Variants in TMEM236 observed in about 807,000 individuals in gnomAD.
TMEM236 encodes the protein family with sequence similarity 23, member A.
A neutral mutation model predicts 14.7 loss-of-function variants in TMEM236; 11 were observed. That is an observed-to-expected ratio of 0.75 (90% confidence interval 0.47 to 1.24). The LOEUF is 1.24. Ranked by LOEUF, TMEM236 falls within the 50% of genes most tolerant of loss-of-function variation. TMEM236 has a pLI of 0.00. For synonymous variants in TMEM236, 182 were observed against 168.6 expected, an observed-to-expected ratio of 1.08 and a Z score of -0.62; for missense variants, 464 against 427.3, an observed-to-expected ratio of 1.09 and a Z score of -0.76.
At chr10:17,781,897 A>G (rs1837757747) in intron 3 of TMEM236, among the ~76,000 whole-genome samples, 2 of 152,082 alleles carry the variant, frequency 1.3e-5, no homozygotes, top group Non-Finnish European at 2.9e-5. Context: ...TTGGGGGAAA[A>G]AAAAGCTTCC....
intron 3 of TMEM236, among the ~76,000 whole-genome samples, chr10:17,776,803 G>A (rs1837664534): frequency 6.6e-6 from 1 of 152,108 alleles, no homozygotes; most frequent in East Asian, 1.9e-4. Context: ...AACTCAACAA[G>A]ATGTGTCACA....
At chr10:17,792,294 G>C (rs1421735611) in intron 3 of TMEM236, among the ~76,000 whole-genome samples, 2 of 152,204 alleles carry the variant, frequency 1.3e-5, no homozygotes, top group African/African-American at 4.8e-5. Context: ...CACCACGTTA[G>C]CCAGGTTGAT....
chr10:17,752,318 A>T lies in TMEM236; in HGVS notation c.23A>T (p.Lys8Met). The T allele has an allele frequency of 6.2e-7, 1 of 1,613,848 alleles. No homozygotes were observed. The highest frequency in any genetic ancestry group is 2.2e-5 in the East Asian group (1 of 44,852). MASGRLI[K>M]FVVFELLEFA... ...AGGATGGCTTCTGGAAGGCTCATTA[A>T]GTTCGTGGTTTTTGAGCTCCTAGAG... Residue 8 changes from lysine (K) to methionine (M), a missense_variant, in exon 1 of 4, where the codon AAG becomes ATG. Transcript: ENST00000377495.
chr10:17,796,244 C>A lies in TMEM236; in HGVS notation c.796C>A (p.Leu266Ile). The change falls in exon 4 of 4, where the codon CTA becomes ATA. Residue 266 changes from leucine to isoleucine, a missense_variant. Transcript: ENST00000377495. The part of the protein sequence containing the change: ...GHPNVYKSSW[L>I]YPVYIFSFIS... ...CCCCAACGTGTACAAGTCAAGCTGG[C>A]TATACCCAGTCTACATATTCAGTTT... 6.2e-7 allele frequency: 1 copy of A among 1,613,976 alleles called. No individual in the cohort carries two copies. Among genetic ancestry groups the A allele is most frequent in the Non-Finnish European group, 8.5e-7 (1 of 1,179,874 alleles).
At chr10:17,770,713 C>T (rs1554834734) in intron 1 of TMEM236, among the ~76,000 whole-genome samples, 1 of 152,130 alleles carries the variant, frequency 6.6e-6, no homozygotes, top group Non-Finnish European at 1.5e-5. Flanking sequence ...ATAAGATATA[C>T]TATTTTCTAC....
chr10:17,792,249 G>A (rs1054844574), intron 3 of TMEM236, among the ~76,000 whole-genome samples: 1 of 152,112 alleles, frequency 6.6e-6, no homozygotes, highest in Non-Finnish European at 1.5e-5. Context: ...CAATGTGCCC[G>A]GCTAATGTTG....
Position 17,796,143 on chromosome 10 carries a change from A to G in TMEM236, c.695A>G (p.Asp232Gly), listed in dbSNP as rs2131770763. ...ATCCTGAGAATGATGTCCCGGCGAG[A>G]TGTCCGGGCAGAGTTATTCTTATGG... ...SGILRMMSRRDVRAELFLWSF... is the reference protein window; with the variant it reads ...SGILRMMSRRGVRAELFLWSF... Residue 232 changes from aspartate to glycine, a missense_variant, in exon 4 of 4, where the codon GAT becomes GGT. By Grantham distance (94) the Asp-to-Gly change is moderately conservative. Coordinates refer to ENST00000377495, the MANE Select transcript of TMEM236 (RefSeq NM_001098844.3). The G allele has an allele frequency of 6.2e-7, 1 of 1,613,912 alleles. No individual in the cohort carries two copies. Among genetic ancestry groups the G allele is most frequent in the Non-Finnish European group, 8.5e-7 (1 of 1,179,850 alleles).
At chr10:17,775,323 A>G (rs1009834230) in intron 2 of TMEM236, among the ~76,000 whole-genome samples, 10 of 152,156 alleles carry the variant, frequency 6.6e-5, no homozygotes, top group Non-Finnish European at 1.5e-5. Context: ...CACCCAAGCT[A>G]GAGTGCAGTG....
intron 3 of TMEM236, among the ~76,000 whole-genome samples, chr10:17,778,057 G>T (rs1837687618): frequency 6.6e-6 from 1 of 151,720 alleles, no homozygotes; most frequent in Non-Finnish European, 1.5e-5. Context: ...GGTTTTTAAA[G>T]GGGAATTTCC....
chr10:17,783,417 A>C (rs1185867449), intron 3 of TMEM236, among the ~76,000 whole-genome samples: 1 of 152,200 alleles, frequency 6.6e-6, no homozygotes, highest in South Asian at 2.1e-4. Flanking sequence ...AGCTCCCTGC[A>C]AAGGAGGCGG....
intron 1 of TMEM236, among the ~76,000 whole-genome samples, chr10:17,762,616 T>TACATACATAC (rs1483138456): frequency 1.8e-5 from 1 of 54,220 alleles, no homozygotes; most frequent in Non-Finnish European, 3.5e-5. Flanking sequence ...TATATATATA[T>TACATACATAC]ATACACACAT....
In TMEM236 at chr10:17,796,223, A is replaced by G. The variant is rs1838012321; in HGVS notation, c.775A>G (p.Asn259Asp). 9 of 1,613,964 alleles carry G rather than the reference A, an allele frequency of 5.6e-6. No individual in the cohort carries two copies. The highest frequency in any genetic ancestry group is 7.6e-6 in the Non-Finnish European group (9 of 1,179,864). ...IEMVRVAGHP[N>D]VYKSSWLYPV... ...AATGGTGCGTGTGGCTGGTCACCCC[A>G]ACGTGTACAAGTCAAGCTGGCTATA... The change falls in exon 4 of 4, where the codon AAC (asparagine) becomes GAC (aspartate). Residue 259 changes from asparagine (N) to aspartate (D), a missense_variant. Coordinates refer to ENST00000377495, the MANE Select transcript of TMEM236 (RefSeq NM_001098844.3).
chr10:17,765,237 G>T (rs2131744832), intron 1 of TMEM236, among the ~76,000 whole-genome samples: 1 of 152,236 alleles, frequency 6.6e-6, no homozygotes, highest in Non-Finnish European at 1.5e-5. Flanking sequence ...CACATTCGGA[G>T]GTACTGGGGG....
chr10:17,789,157 C>G (rs1218082912), intron 3 of TMEM236, among the ~76,000 whole-genome samples: 1 of 152,130 alleles, frequency 6.6e-6, no homozygotes, highest in Non-Finnish European at 1.5e-5. Flanking sequence ...GCTGCCTTCA[C>G]CTGTGTAGGT....
intron 3 of TMEM236, among the ~76,000 whole-genome samples, chr10:17,783,605 A>G (rs1326869595): frequency 6.6e-5 from 10 of 152,192 alleles, no homozygotes; most frequent in African/African-American, 2.4e-4. Context: ...CCTTAGGTCA[A>G]ATGTTCAGAT....
chr10:17,771,297 C>T lies in TMEM236; in HGVS notation c.258-12C>T, dbSNP rs782368055. 1 of 1,613,522 alleles carries T rather than the reference C, an allele frequency of 6.2e-7. No homozygotes were observed. The highest frequency in any genetic ancestry group is 1.1e-5 in the South Asian group (1 of 91,070). ...CCATGATTGCTTTGGCTTATTTTTT[C>T]TCCTTTGCTAGGAGACCTGTTCTGA... On this transcript the variant is annotated splice_polypyrimidine_tract_variant and intron_variant, in intron 1 of 3. Transcript: ENST00000377495.
At chr10:17,769,244 A>C (rs969015953) in intron 1 of TMEM236, among the ~76,000 whole-genome samples, 2 of 152,212 alleles carry the variant, frequency 1.3e-5, no homozygotes, top group African/African-American at 2.4e-5. Flanking sequence ...GTTGGCAGAA[A>C]AGGAGTTTGA....
At chr10:17,783,262 A>G (rs1837783632) in intron 3 of TMEM236, among the ~76,000 whole-genome samples, 1 of 152,172 alleles carries the variant, frequency 6.6e-6, no homozygotes, top group African/African-American at 2.4e-5. Context: ...CTGGTTACAC[A>G]GGCTGGGAAT....
In TMEM236 at chr10:17,792,248, C is replaced by T. The variant is rs937766722; in HGVS notation, c.473-3673C>T. Among the ~76,000 whole-genome samples, 891 of 152,202 alleles carry T rather than the reference C, an allele frequency of 5.9e-3. 5 individuals carry two copies. The highest frequency in any genetic ancestry group is 0.02 in the African/African-American group (818 of 41,514). On this transcript the variant is annotated intron_variant, in intron 3 of 3. Transcript: ENST00000377495. Reference sequence around the variant, plus strand: ...GATTACACACGTGCACCAATGTGCCCGGCTAATGTTGTGTATTTTTAGTAG... The same window carrying T: ...GATTACACACGTGCACCAATGTGCCTGGCTAATGTTGTGTATTTTTAGTAG...
Sources: gnomAD v4.1 joint callset for allele counts (sites outside exome capture counted in the v4.1 genomes callset) on GRCh38, gnomAD v4.1.1 for gene constraint, MANE v1.5 for transcripts, NCBI Gene and HGNC (gene_info 2026-07-23, HGNC 2026-07-21) for gene names.